The following ST6GAL1 variants were observed in gnomAD, a reference collection of about 807,000 sequenced individuals.
ST6GAL1 encodes beta-galactoside alpha-2,6-sialyltransferase 1.
A neutral mutation model predicts 38.0 loss-of-function variants in ST6GAL1; 20 were observed. The ratio of observed to expected loss-of-function variants is 0.53; its 90% CI spans 0.37 to 0.77. ST6GAL1 has a LOEUF of 0.77. ST6GAL1 is among the 30% of genes least tolerant of loss of function. ST6GAL1 has a pLI of 0.00. For missense variants in ST6GAL1, 432 were observed against 496.4 expected (o/e 0.87, Z 1.23); for synonymous variants, 196 against 188.2 (o/e 1.04, Z -0.34).
chr3:186,966,423 C>G (rs1715118682), intron 2 of ST6GAL1, among the ~76,000 whole-genome samples: 1 of 152,212 alleles, frequency 6.6e-6, no homozygotes, highest in Admixed American at 6.5e-5. Context: ...GATTTCACAG[C>G]TCATAAGCAA....
chr3:187,005,627 CTA>C (rs1716762943), intron 2 of ST6GAL1, among the ~76,000 whole-genome samples: 1 of 152,138 alleles, frequency 6.6e-6, no homozygotes, highest in East Asian at 1.9e-4. Flanking sequence ...TCATGAAGCT[CTA>C]CTTTCTCTTA....
At chr3:187,022,753 A>T (rs1717375466) in intron 2 of ST6GAL1, among the ~76,000 whole-genome samples, 2 of 152,304 alleles carry the variant, frequency 1.3e-5, no homozygotes, top group Admixed American at 6.5e-5. Context: ...AAAGAAATGT[A>T]TTTTGGGGCA....
In ST6GAL1 at chr3:186,936,956, A is replaced by AG. The variant is rs1354169572; in HGVS notation, c.-325+6122_-325+6123insG. Among the ~76,000 whole-genome samples the AG allele has an allele frequency of 2.4e-3, 306 of 129,428 alleles. 4 individuals carry two copies. Among genetic ancestry groups the AG allele is most frequent in the African/African-American group, 8.5e-3 (279 of 32,868 alleles). The allele number at this position is 129,428 out of a possible 152,430, so 84.9% of individuals were successfully genotyped here. On this transcript the variant is annotated intron_variant, in intron 1 of 7. Coordinates refer to ENST00000169298, the MANE Select transcript of ST6GAL1 (RefSeq NM_173216.2). ...GACTGTCTCAAAAAAAAAAAAAAAAAAAAAAAGAAAAAGCTTGACCATTGA... is the reference window on the plus strand; with the variant it reads ...GACTGTCTCAAAAAAAAAAAAAAAAAGAAAAAAGAAAAAGCTTGACCATTGA...
intron 1 of ST6GAL1, among the ~76,000 whole-genome samples, chr3:186,934,760 G>T (rs28685809): frequency 1.3e-3 from 26 of 20,066 alleles, no homozygotes; most frequent in Middle Eastern, 0.017. Flanking sequence ...ATTTATTTAT[G>T]TATTTATTTA....
chr3:187,060,335 A>T (rs907825205), intron 5 of ST6GAL1, among the ~76,000 whole-genome samples: 4 of 152,072 alleles, frequency 2.6e-5, no homozygotes, highest in Non-Finnish European at 4.4e-5. Context: ...TAATTTTTGT[A>T]TTTTTAGCAG....
rs560704121 is a variant in ST6GAL1 at position 186,947,017 on chromosome 3, T to A, written c.-325+16183T>A. ...AGGTGGAGAATGGGAGAAAGGACCT[T>A]TCTGGCCTGGGGGCAGCAGGAACAC... is the stretch of plus-strand genomic sequence containing the variant. On this transcript the variant is annotated intron_variant, in intron 1 of 7. Coordinates refer to ENST00000169298, the MANE Select transcript of ST6GAL1 (RefSeq NM_173216.2). Among the ~76,000 whole-genome samples the A allele has an allele frequency of 4.6e-5, 7 of 152,184 alleles. No homozygotes were observed. The South Asian group carries it at 8.3e-4, about 18-fold the overall frequency.
intron 2 of ST6GAL1, among the ~76,000 whole-genome samples, chr3:186,988,144 T>C (rs1313389026): frequency 6.6e-6 from 1 of 152,204 alleles, no homozygotes; most frequent in Non-Finnish European, 1.5e-5. Flanking sequence ...GTGGTGGTAA[T>C]TAACTTAAAA....
chr3:187,070,549 C>T lies in ST6GAL1; in HGVS notation c.706-2300C>T, dbSNP rs551027137. 1.3e-4 allele frequency among the ~76,000 whole-genome samples: 20 copies of T among 151,522 alleles called. No homozygotes were observed. In the South Asian group the frequency reaches 3.6e-3, roughly 27 times the overall value. On this transcript the variant is annotated intron_variant, in intron 5 of 7. Transcript: ENST00000169298. ...AAGTGATTCTCCTGCCTCAGCCTCC[C>T]GAGTAGCTGGGACTACAGGCACCCG...
chr3:187,026,164 A>G (rs927025445), intron 2 of ST6GAL1, among the ~76,000 whole-genome samples: 1 of 152,230 alleles, frequency 6.6e-6, no homozygotes, highest in African/African-American at 2.4e-5. Flanking sequence ...CTTGTTGCAT[A>G]TCATGCTTCT....
intron 1 of ST6GAL1, among the ~76,000 whole-genome samples, chr3:186,934,481 G>A (rs1433673288): frequency 6.6e-6 from 1 of 152,086 alleles, no homozygotes. Context: ...AGAATCGCTG[G>A]AGCCTGGGAG....
Position 187,060,916 on chromosome 3 carries a change from G to A in ST6GAL1, c.705+9570G>A, listed in dbSNP as rs906439942. On this transcript the variant is annotated intron_variant, in intron 5 of 7. Coordinates refer to ENST00000169298, the MANE Select transcript of ST6GAL1 (RefSeq NM_173216.2). ...TAAATGACACGTTGTTCTGAGTAGT[G>A]GGATGAAATCTTACACATCTTACTT... Among the ~76,000 whole-genome samples the A allele has an allele frequency of 3.9e-5, 6 of 152,146 alleles. No individual in the cohort carries two copies. In the South Asian group the frequency reaches 1.2e-3, roughly 31 times the overall value.
At chr3:186,995,896 G>A (rs1716388533) in intron 2 of ST6GAL1, among the ~76,000 whole-genome samples, 1 of 152,122 alleles carries the variant, frequency 6.6e-6, no homozygotes, top group African/African-American at 2.4e-5. Flanking sequence ...ACTTCCCACG[G>A]GCGGGGACAC....
At position 187,042,942 on chromosome 3, in the gene ST6GAL1, G is replaced by A. The variant is rs370846354; in HGVS notation, c.239G>A (p.Ser80Asn). ...DPHRGRQTLG[S>N]LRGLAKAKPE... Reference sequence around the variant, plus strand: ...CACAGGGGCCGCCAGACCCTCGGCAGTCTCAGAGGCCTAGCCAAGGCCAAA... The same window carrying A: ...CACAGGGGCCGCCAGACCCTCGGCAATCTCAGAGGCCTAGCCAAGGCCAAA... The change falls in exon 4 of 8, where the codon AGT (serine) becomes AAT (asparagine). Residue 80 changes from serine (S) to asparagine (N), a missense_variant. Transcript: ENST00000169298. The A allele has an allele frequency of 6.2e-6, 10 of 1,614,106 alleles. No homozygotes were observed. In the African/African-American group the frequency reaches 1.2e-4, roughly 19 times the overall value.
chr3:187,021,996 C>T (rs566678629), intron 2 of ST6GAL1: 1 of 152,254 alleles, frequency 6.6e-6, no homozygotes, highest in East Asian at 1.9e-4. Context: ...TGATGATAAA[C>T]CAGTAAATGT....
chr3:187,033,068 G>T (rs906723591), intron 2 of ST6GAL1, among the ~76,000 whole-genome samples: 1 of 152,194 alleles, frequency 6.6e-6, no homozygotes, highest in South Asian at 2.1e-4. Flanking sequence ...GTATTTTTTA[G>T]TATTGCCCCC....
intron 2 of ST6GAL1, among the ~76,000 whole-genome samples, chr3:187,027,793 G>GA (rs1717599081): frequency 6.6e-6 from 1 of 152,124 alleles, no homozygotes; most frequent in Non-Finnish European, 1.5e-5. Context: ...TATAGGTAGA[G>GA]AAAGGGCAGG....
intron 5 of ST6GAL1, among the ~76,000 whole-genome samples, chr3:187,052,484 T>C (rs558744244): frequency 6.6e-6 from 1 of 152,244 alleles, no homozygotes; most frequent in South Asian, 2.1e-4. Context: ...GGTGTGATGT[T>C]CCCTGCCCTG....
At chr3:186,976,836 C>A (rs1042489901) in intron 2 of ST6GAL1, among the ~76,000 whole-genome samples, 4 of 152,218 alleles carry the variant, frequency 2.6e-5, no homozygotes, top group Admixed American at 6.5e-5. Flanking sequence ...TGTATAGTTA[C>A]TAACTGGTGC....
intron 1 of ST6GAL1, among the ~76,000 whole-genome samples, chr3:186,959,325 AG>A (rs911281650): frequency 1.6e-4 from 24 of 152,210 alleles, no homozygotes; most frequent in Non-Finnish European, 3.5e-4. Context: ...AGCCCCTGGG[AG>A]GCAGCTCTGG....
Sources: gnomAD v4.1 joint callset for allele counts (sites outside exome capture counted in the v4.1 genomes callset) on GRCh38, gnomAD v4.1.1 for gene constraint, MANE v1.5 for transcripts, NCBI Gene and HGNC (gene_info 2026-07-23, HGNC 2026-07-21) for gene names.